The following FAM171A1 variants were observed in gnomAD, a reference collection of about 807,000 sequenced individuals.
FAM171A1 encodes the protein protein FAM171A1.
FAM171A1 carries 23 observed loss-of-function variants against 74.9 expected under a neutral mutation model. The observed-to-expected ratio is 0.31, with a 90% confidence interval of 0.22 to 0.44. The LOEUF is 0.44. FAM171A1 is among the 20% of genes least tolerant of loss of function. The pLI is 1.00. For missense variants in FAM171A1, 1,162 were observed against 1,159.2 expected (o/e 1.00, Z -0.03); for synonymous variants, 527 against 505.7 (o/e 1.04, Z -0.57).
chr10:15,268,353 G>A (rs1834775180), intron 3 of FAM171A1, among the ~76,000 whole-genome samples: 2 of 152,150 alleles, frequency 1.3e-5, no homozygotes, highest in Non-Finnish European at 2.9e-5. Context: ...GGACATGGTG[G>A]TATCCTGGAT....
chr10:15,341,187 A>G (rs1204826435), intron 1 of FAM171A1, among the ~76,000 whole-genome samples: 1 of 152,226 alleles, frequency 6.6e-6, no homozygotes, highest in Non-Finnish European at 1.5e-5. Flanking sequence ...AGGAGACAAA[A>G]GCTTTAAACT....
chr10:15,266,594 G>T (rs2131785253), intron 3 of FAM171A1, among the ~76,000 whole-genome samples: 1 of 152,228 alleles, frequency 6.6e-6, no homozygotes, highest in East Asian at 1.9e-4. Context: ...GGCCAGGCAT[G>T]GTGGCTCACA....
chr10:15,230,148 A>G (rs1411592978), intron 5 of FAM171A1, among the ~76,000 whole-genome samples: 2 of 152,378 alleles, frequency 1.3e-5, no homozygotes, highest in African/African-American at 4.8e-5. Flanking sequence ...AAATCAAATA[A>G]AAAGCCATCA....
At chr10:15,309,532 A>T (rs1030717461) in intron 1 of FAM171A1, among the ~76,000 whole-genome samples, 2 of 152,278 alleles carry the variant, frequency 1.3e-5, no homozygotes, top group Non-Finnish European at 2.9e-5. Flanking sequence ...TCTAATGCAC[A>T]TATTTACTGA....
rs758134504 is a variant in FAM171A1, at chr10:15,214,390, C to CCAAATGGACTCCACTCAT, written c.1180_1197dup (p.Met394_Leu399dup). 2.5e-6 allele frequency: 4 copies of CCAAATGGACTCCACTCAT among 1,613,802 alleles called. No homozygotes were observed. The South Asian group carries it at 4.4e-5, about 18-fold the overall frequency. ...CCTTCGCCGCCCGGAGACATCATTT[C>CCAAATGGACTCCACTCAT]CAAATGGACTCCACTCATCAGTTCC... On this transcript the variant is annotated inframe_insertion, in exon 8 of 8. Coordinates refer to ENST00000378116, the MANE Select transcript of FAM171A1 (RefSeq NM_001010924.2).
chr10:15,358,778 T>A (rs1009887862), intron 1 of FAM171A1, among the ~76,000 whole-genome samples: 6 of 152,242 alleles, frequency 3.9e-5, no homozygotes, highest in Non-Finnish European at 8.8e-5. Flanking sequence ...GGTGTTTTCA[T>A]CTTTGTTCAT....
intron 1 of FAM171A1, among the ~76,000 whole-genome samples, chr10:15,348,203 T>G (rs926924271): frequency 6.6e-6 from 1 of 152,272 alleles, no homozygotes; most frequent in African/African-American, 2.4e-5. Context: ...CATCTCAAAC[T>G]CCTGACCTGA....
Position 15,370,968 on chromosome 10 carries a change from C to T in FAM171A1, c.85G>A (p.Ala29Thr). 2 of 1,178,796 alleles carry T rather than the reference C, an allele frequency of 1.7e-6. No homozygotes were observed. Among genetic ancestry groups the T allele is most frequent in the South Asian group, 1.5e-5 (1 of 64,894 alleles). The allele number at this position is 1,178,796 out of a possible 1,614,324, so 73.0% of individuals were successfully genotyped here. ...GCCGCCCACTGACCTTGGGCTCCGG[C>T]GCCGGGCTCCCGCAGCGTCTTGGTC... ...AVTKTLREPGAGAQEVTLKVH... is the reference protein window; with the variant it reads ...AVTKTLREPGTGAQEVTLKVH... Residue 29 changes from alanine (A) to threonine (T), a missense_variant, in exon 1 of 8, where the codon GCC (alanine) becomes ACC (threonine). Transcript: ENST00000378116.
chr10:15,258,870 C>A (rs1834620809), intron 3 of FAM171A1, among the ~76,000 whole-genome samples: 1 of 152,194 alleles, frequency 6.6e-6, no homozygotes, highest in Non-Finnish European at 1.5e-5. Flanking sequence ...GGGCTACCAC[C>A]CATCGCCTGT....
At chr10:15,296,775 G>A (rs1239650801) in intron 1 of FAM171A1, among the ~76,000 whole-genome samples, 2 of 152,300 alleles carry the variant, frequency 1.3e-5, no homozygotes, top group East Asian at 3.9e-4. Context: ...TTAGATTTCA[G>A]TGGAAGTTTA....
chr10:15,259,396 C>T (rs1339082934), intron 3 of FAM171A1, among the ~76,000 whole-genome samples: 2 of 152,036 alleles, frequency 1.3e-5, no homozygotes, highest in African/African-American at 4.8e-5. Context: ...ATGTCCTTTC[C>T]CTGCCCAGAA....
chr10:15,294,454 A>G (rs1274324015), intron 1 of FAM171A1, among the ~76,000 whole-genome samples: 2 of 152,200 alleles, frequency 1.3e-5, no homozygotes, highest in East Asian at 1.9e-4. Context: ...TCAGGAATTC[A>G]GCCATCGCCT....
intron 1 of FAM171A1, among the ~76,000 whole-genome samples, chr10:15,330,782 A>G (rs1294788378): frequency 7.0e-6 from 1 of 143,282 alleles, no homozygotes; most frequent in Non-Finnish European, 1.5e-5. Flanking sequence ...CAGTGGCACA[A>G]TCTTGGCTCA....
chr10:15,370,242 T>C (rs1478566577), intron 1 of FAM171A1, among the ~76,000 whole-genome samples: 4 of 37,156 alleles, frequency 1.1e-4, no homozygotes, highest in Non-Finnish European at 2.9e-4. Flanking sequence ...GGATTTTTCT[T>C]TTTTTTTTTT....
At chr10:15,245,695 C>A (rs1448764968) in intron 5 of FAM171A1, among the ~76,000 whole-genome samples, 1 of 152,214 alleles carries the variant, frequency 6.6e-6, no homozygotes, top group Non-Finnish European at 1.5e-5. Flanking sequence ...CCCCCAGACT[C>A]CCTGCTCTTA....
intron 6 of FAM171A1, among the ~76,000 whole-genome samples, chr10:15,219,355 C>A (rs1264364019): frequency 6.6e-6 from 1 of 152,148 alleles, no homozygotes; most frequent in Non-Finnish European, 1.5e-5. Flanking sequence ...TGATCTACTG[C>A]ATGATGGGAA....
At chr10:15,370,097 G>A (rs1013398613) in intron 1 of FAM171A1, among the ~76,000 whole-genome samples, 12 of 108,154 alleles carry the variant, frequency 1.1e-4, no homozygotes, top group African/African-American at 3.4e-4. Flanking sequence ...CTCAAAAAAC[G>A]CTGATTTTAA....
At chr10:15,234,837 T>C (rs1360086710) in intron 5 of FAM171A1, among the ~76,000 whole-genome samples, 1 of 151,974 alleles carries the variant, frequency 6.6e-6, no homozygotes, top group Non-Finnish European at 1.5e-5. Context: ...TTATTTTTTG[T>C]ATTTTTAGTA....
intron 1 of FAM171A1, among the ~76,000 whole-genome samples, chr10:15,365,392 A>C (rs1194941354): frequency 1.3e-5 from 2 of 152,224 alleles, no homozygotes. Flanking sequence ...CATCAACTAA[A>C]GATGCGAGAG....
Sources: gnomAD v4.1 joint callset for allele counts (sites outside exome capture counted in the v4.1 genomes callset) on GRCh38, gnomAD v4.1.1 for gene constraint, MANE v1.5 for transcripts, NCBI Gene and HGNC (gene_info 2026-07-23, HGNC 2026-07-21) for gene names.